KIF21A: variants seen among roughly 807,000 people sequenced by gnomAD.
The protein encoded by KIF21A is kinesin-like protein KIF21A.
Under a neutral mutation model 202.9 loss-of-function variants are expected in KIF21A, and 114 were observed. The observed-to-expected ratio is 0.56, with a 90% confidence interval of 0.48 to 0.66. The LOEUF (loss-of-function observed/expected upper bound fraction) is 0.66, where lower values mean the gene tolerates loss of function less well. Ranked by LOEUF, KIF21A falls within the 30% of genes least tolerant of loss-of-function variation. The probability of loss-of-function intolerance (pLI) is 0.00; values close to 1 mark genes in which losing one functional copy is unlikely to be tolerated. For missense variants in KIF21A, 1,677 were observed against 1,994.9 expected, an observed-to-expected ratio of 0.84 and a Z score of 3.04; for synonymous variants, 667 against 670.8, an observed-to-expected ratio of 0.99 and a Z score of 0.09.
intron 1 of KIF21A, among the ~76,000 whole-genome samples, chr12:39,382,438 A>T (rs1184371865): frequency 6.6e-6 from 1 of 152,220 alleles, no homozygotes; most frequent in Non-Finnish European, 1.5e-5. Flanking sequence ...AAGAACAATT[A>T]CAGGTAATCT....
At position 39,360,570 on chromosome 12, in the gene KIF21A, A is replaced by G. The variant is rs548291619; in HGVS notation, c.1020-2197T>C. ...ATGCCCAGCTAATTTTTGTGTTTCT[A>G]TTAGTAGAAACGGGGTTTTGCCATG... On this transcript the variant is annotated intron_variant, in intron 7 of 37. Coordinates refer to ENST00000361418, the MANE Select transcript of KIF21A (RefSeq NM_001173464.2). Among the ~76,000 whole-genome samples the G allele has an allele frequency of 4.8e-3, 734 of 151,936 alleles. 3 individuals carry two copies. Among genetic ancestry groups the G allele is most frequent in the Non-Finnish European group, 8.6e-3 (582 of 67,958 alleles).
At chr12:39,434,242 G>A (rs1259074440) in intron 1 of KIF21A, among the ~76,000 whole-genome samples, 2 of 152,080 alleles carry the variant, frequency 1.3e-5, no homozygotes, top group Non-Finnish European at 2.9e-5. Flanking sequence ...AGAACAAGAG[G>A]GGACTAAACT....
intron 37 of KIF21A, among the ~76,000 whole-genome samples, chr12:39,297,402 C>A (rs1942494047): frequency 6.6e-6 from 1 of 152,060 alleles, no homozygotes; most frequent in Non-Finnish European, 1.5e-5. Context: ...GAATACTATG[C>A]AGCCATAAAA....
chr12:39,305,076 GGA>G (rs1447582044), intron 34 of KIF21A, 138 bp from the exon 35 acceptor site: 1 of 597,828 alleles, frequency 1.7e-6, no homozygotes, highest in African/African-American at 1.9e-5. Context: ...TTTAGAGATG[GGA>G]TCTTGGGCCG....
intron 17 of KIF21A, among the ~76,000 whole-genome samples, chr12:39,334,370 T>A (rs1946776907): frequency 6.6e-6 from 1 of 152,112 alleles, no homozygotes; most frequent in African/African-American, 2.4e-5. Context: ...AATTCTGTTA[T>A]TTAACAAATA....
chr12:39,435,258 A>G (rs891344657), intron 1 of KIF21A, among the ~76,000 whole-genome samples: 9 of 152,338 alleles, frequency 5.9e-5, no homozygotes, highest in East Asian at 5.8e-4. Context: ...GGGAACTCAG[A>G]TATCTACTTG....
chr12:39,434,576 G>A (rs533655344), intron 1 of KIF21A, among the ~76,000 whole-genome samples: 12 of 152,022 alleles, frequency 7.9e-5, no homozygotes, highest in Non-Finnish European at 1.5e-4. Flanking sequence ...ATTTATCAGG[G>A]GTAAGAGTCT....
chr12:39,337,524 G>T (rs776918183), intron 16 of KIF21A: 10 of 266,608 alleles, frequency 3.8e-5, no homozygotes, highest in African/African-American at 9.0e-5. Flanking sequence ...TCTAGGCTTT[G>T]GTTTGCTCAT....
At chr12:39,345,963 G>A (rs1181525396) in intron 12 of KIF21A, among the ~76,000 whole-genome samples, 2 of 151,104 alleles carry the variant, frequency 1.3e-5, no homozygotes, top group Non-Finnish European at 3.0e-5. Flanking sequence ...TAAGGCCACA[G>A]TTTCCTTTTG....
At chr12:39,309,094 T>C (rs1471068425) in intron 33 of KIF21A, among the ~76,000 whole-genome samples, 3 of 152,122 alleles carry the variant, frequency 2.0e-5, no homozygotes, top group Admixed American at 6.5e-5. Context: ...CAAAATAACC[T>C]GCAGTTATGA....
Position 39,369,761 on chromosome 12 carries a change from G to A in KIF21A, c.418C>T (p.Pro140Ser). The A allele has an allele frequency of 1.2e-6, 2 of 1,612,744 alleles. No homozygotes were observed. The highest frequency in any genetic ancestry group is 1.7e-6 in the Non-Finnish European group (2 of 1,179,592). The change falls in exon 3 of 38, where the codon CCA becomes TCA. Residue 140 changes from proline to serine, a missense_variant. By Grantham distance (74) the Pro-to-Ser change is moderately conservative. Transcript: ENST00000361418. Reference protein sequence around the residue: ...HIAIKNGLPAPDFKVNAQFLE... With the variant: ...HIAIKNGLPASDFKVNAQFLE... ...AATTGGGCATTCACTTTAAAATCTG[G>A]AGCAGGAAGCCCATTTTTAATTGCT...
Position 39,294,052 on chromosome 12 carries a change from G to A in KIF21A, c.*372C>T, listed in dbSNP as rs893501788. ...CATAAATCACTTGAATAAACTACATGAATGAGTTAATGGTGGGCTGCATCG... is the reference window on the plus strand; with the variant it reads ...CATAAATCACTTGAATAAACTACATAAATGAGTTAATGGTGGGCTGCATCG... On this transcript the variant is annotated 3_prime_UTR_variant, in exon 38 of 38. Coordinates refer to ENST00000361418, the MANE Select transcript of KIF21A (RefSeq NM_001173464.2). 1 of 205,636 alleles carries A rather than the reference G, an allele frequency of 4.9e-6. No individual in the cohort carries two copies. Among genetic ancestry groups the A allele is most frequent in the African/African-American group, 2.4e-5 (1 of 42,352 alleles). 12.7% of individuals were successfully genotyped at this position (205,636 alleles called of 1,614,324 possible).
intron 37 of KIF21A, 137 bp downstream of exon 37, chr12:39,301,343 T>C (rs370179030): frequency 2.7e-5 from 22 of 805,922 alleles, no homozygotes; most frequent in East Asian, 2.4e-4. Flanking sequence ...AAAATATGAA[T>C]AAGACATCTT....
At chr12:39,361,713 A>G (rs1051110942) in intron 7 of KIF21A, among the ~76,000 whole-genome samples, 1 of 152,056 alleles carries the variant, frequency 6.6e-6, no homozygotes, top group African/African-American at 2.4e-5. Flanking sequence ...TCACCGTGTT[A>G]GCCAGGATGG....
chr12:39,423,207 GCT>G (rs919488990), intron 1 of KIF21A, among the ~76,000 whole-genome samples: 5 of 152,162 alleles, frequency 3.3e-5, no homozygotes, highest in African/African-American at 4.8e-5. Context: ...CTACTGAAGG[GCT>G]CTCAAGTAAG....
chr12:39,384,933 C>T (rs929848718), intron 1 of KIF21A, among the ~76,000 whole-genome samples: 1 of 152,154 alleles, frequency 6.6e-6, no homozygotes, highest in Non-Finnish European at 1.5e-5. Context: ...CATGGCCTAG[C>T]CATGTGACCT....
In KIF21A at chr12:39,294,340, C is replaced by A; in HGVS notation, c.*84G>T. The A allele has an allele frequency of 1.0e-6, 1 of 973,166 alleles. No homozygotes were observed. Among genetic ancestry groups the A allele is most frequent in the Non-Finnish European group, 1.7e-6 (1 of 600,956 alleles). 60.3% of individuals were successfully genotyped at this position (973,166 alleles called of 1,614,324 possible). On this transcript the variant is annotated 3_prime_UTR_variant, in exon 38 of 38. Transcript: ENST00000361418. ...CAGTTAATCCGATTCATACGTTTTGCCTAGTAAGTACAGGACAACATTTTC... is the reference window on the plus strand; with the variant it reads ...CAGTTAATCCGATTCATACGTTTTGACTAGTAAGTACAGGACAACATTTTC...
chr12:39,326,259 C>G lies in KIF21A; in HGVS notation c.3401+5G>C. 1 of 1,601,290 alleles carries G rather than the reference C, an allele frequency of 6.2e-7. No homozygotes were observed. Among genetic ancestry groups the G allele is most frequent in the Non-Finnish European group, 8.6e-7 (1 of 1,168,688 alleles). On this transcript the variant is annotated splice_donor_5th_base_variant and intron_variant, in intron 25 of 37. Transcript: ENST00000361418. ...CAACTCTATTGTTTCTAAAGGCCTT[C>G]TTACCTTCCTTCTGATCCTGGGCTG...
chr12:39,396,987 AT>A (rs1333718347), intron 1 of KIF21A, among the ~76,000 whole-genome samples: 1 of 152,234 alleles, frequency 6.6e-6, no homozygotes, highest in Admixed American at 6.5e-5. Context: ...GATTTTATTT[AT>A]TTAAAAAATT....
Sources: allele counts gnomAD v4.1 joint callset (sites outside exome capture counted in the v4.1 genomes callset), GRCh38; gene constraint gnomAD v4.1.1; transcripts MANE v1.5; gene names NCBI Gene and HGNC (gene_info 2026-07-23, HGNC 2026-07-21).